Variants in LRRC4C observed in about 807,000 individuals in gnomAD.
The protein encoded by LRRC4C is leucine-rich repeat-containing protein 4C.
In LRRC4C, 5 loss-of-function variants were observed where a neutral mutation model predicts 33.6. The observed-to-expected ratio is 0.15, with a 90% CI of 0.08 to 0.31. The LOEUF (loss-of-function observed/expected upper bound fraction) is 0.31. Among genes scored for constraint, LRRC4C ranks in the 10% least tolerant of loss-of-function variants. The pLI is 1.00. For missense variants in LRRC4C, 560 were observed against 796.7 expected (o/e 0.70, Z 3.58); for synonymous variants, 329 against 302.0 (o/e 1.09, Z -0.93).
At chr11:41,453,028 A>C (rs888716435) in intron 1 of LRRC4C, among the ~76,000 whole-genome samples, 1 of 152,062 alleles carries the variant, frequency 6.6e-6, no homozygotes, top group East Asian at 1.9e-4. Flanking sequence ...TTTTTACAAC[A>C]CTACAAGGTA....
intron 1 of LRRC4C, among the ~76,000 whole-genome samples, chr11:41,209,553 G>T (rs1288412310): frequency 2.0e-5 from 3 of 151,818 alleles, no homozygotes; most frequent in Non-Finnish European, 4.4e-5. Context: ...GCTGAGGCAG[G>T]GGAATCCCTT....
At chr11:41,202,817 G>C (rs549948879) in intron 1 of LRRC4C, among the ~76,000 whole-genome samples, 2 of 148,398 alleles carry the variant, frequency 1.3e-5, no homozygotes, top group African/African-American at 5.0e-5. Flanking sequence ...ACACAGTCTC[G>C]CTCTTTCACC....
At chr11:40,746,783 G>T (rs1948450046) in intron 2 of LRRC4C, among the ~76,000 whole-genome samples, 1 of 152,096 alleles carries the variant, frequency 6.6e-6, no homozygotes, top group Non-Finnish European at 1.5e-5. Context: ...CCTAAGATTG[G>T]GCCTGCCTAC....
chr11:40,904,549 G>A (rs1467132743), intron 2 of LRRC4C, among the ~76,000 whole-genome samples: 1 of 152,148 alleles, frequency 6.6e-6, no homozygotes, highest in South Asian at 2.1e-4. Flanking sequence ...AAACAAATAT[G>A]CAAAGTTAAA....
chr11:40,486,516 ACT>A (rs745763733), intron 3 of LRRC4C, among the ~76,000 whole-genome samples: 2 of 152,082 alleles, frequency 1.3e-5, no homozygotes, highest in Non-Finnish European at 2.9e-5. Flanking sequence ...TTTAAAAAAT[ACT>A]GTGTAAGAAT....
chr11:41,205,195 T>A (rs2136284298), intron 1 of LRRC4C, among the ~76,000 whole-genome samples: 1 of 152,210 alleles, frequency 6.6e-6, no homozygotes, highest in African/African-American at 2.4e-5. Context: ...AGCTGGAGAT[T>A]CAAACATGGA....
At chr11:41,355,483 T>A (rs893600320) in intron 1 of LRRC4C, among the ~76,000 whole-genome samples, 1 of 152,112 alleles carries the variant, frequency 6.6e-6, no homozygotes, top group Non-Finnish European at 1.5e-5. Context: ...TTATAATATA[T>A]GTTAAAAGTG....
intron 1 of LRRC4C, among the ~76,000 whole-genome samples, chr11:41,121,240 A>G (rs1590660900): frequency 1.3e-5 from 2 of 152,088 alleles, no homozygotes; most frequent in Non-Finnish European, 2.9e-5. Flanking sequence ...ACATTGTAGG[A>G]TATATCGGTC....
At chr11:40,364,170 T>C (rs1039589904) in intron 3 of LRRC4C, among the ~76,000 whole-genome samples, 3 of 152,106 alleles carry the variant, frequency 2.0e-5, no homozygotes, top group African/African-American at 7.2e-5. Flanking sequence ...TCATAATTTC[T>C]GGTGTCCAAA....
At chr11:40,415,892 G>A (rs925985445) in intron 3 of LRRC4C, among the ~76,000 whole-genome samples, 2 of 152,158 alleles carry the variant, frequency 1.3e-5, no homozygotes, top group African/African-American at 2.4e-5. Context: ...CTAATCTGAT[G>A]AGAATGAAAT....
At chr11:40,562,085 G>T (rs1031492125) in intron 3 of LRRC4C, among the ~76,000 whole-genome samples, 2 of 152,176 alleles carry the variant, frequency 1.3e-5, no homozygotes, top group Non-Finnish European at 2.9e-5. Flanking sequence ...TTCTGCCAGT[G>T]CTAGAAGTAC....
At chr11:40,613,531 T>C (rs1007568143) in intron 3 of LRRC4C, among the ~76,000 whole-genome samples, 2 of 151,838 alleles carry the variant, frequency 1.3e-5, no homozygotes, top group African/African-American at 4.8e-5. Flanking sequence ...TCTACTGAAG[T>C]CTTGAAGCCC....
At chr11:40,230,442 G>T (rs1247955386) in intron 5 of LRRC4C, among the ~76,000 whole-genome samples, 13 of 152,140 alleles carry the variant, frequency 8.5e-5, no homozygotes, top group Admixed American at 7.2e-4. Context: ...AATTGGCAGG[G>T]GATGAGGAGG....
At chr11:41,441,483 C>T (rs190812973) in intron 1 of LRRC4C, among the ~76,000 whole-genome samples, 21 of 149,916 alleles carry the variant, frequency 1.4e-4, no homozygotes, top group Middle Eastern at 3.5e-3. Flanking sequence ...TTACTTTCAA[C>T]GCTCTTTTTT....
chr11:40,294,852 T>G, intron 4 of LRRC4C, among the ~76,000 whole-genome samples: 1 of 148,848 alleles, frequency 6.7e-6, no homozygotes, highest in African/African-American at 2.5e-5. Context: ...AATAAATAAA[T>G]AAAAAAAAAG....
At chr11:40,409,012 G>A (rs918300361) in intron 3 of LRRC4C, among the ~76,000 whole-genome samples, 3 of 151,926 alleles carry the variant, frequency 2.0e-5, no homozygotes, top group Non-Finnish European at 4.4e-5. Flanking sequence ...AAAATATACT[G>A]TAAAGCTACA....
chr11:40,829,514 C>T (rs1952314423), intron 2 of LRRC4C, among the ~76,000 whole-genome samples: 2 of 151,796 alleles, frequency 1.3e-5, no homozygotes, highest in Admixed American at 6.6e-5. Flanking sequence ...AAAGGCTGCT[C>T]AAATTATTTT....
intron 1 of LRRC4C, among the ~76,000 whole-genome samples, chr11:40,958,583 A>C (rs865925864): frequency 4.6e-5 from 7 of 151,760 alleles, no homozygotes; most frequent in South Asian, 2.1e-4. Flanking sequence ...AACTCCTTGG[A>C]TGAAGCTCCT....
At chr11:40,993,045 A>G (rs1473499707) in intron 1 of LRRC4C, among the ~76,000 whole-genome samples, 1 of 152,212 alleles carries the variant, frequency 6.6e-6, no homozygotes, top group East Asian at 1.9e-4. Context: ...TAACACACTT[A>G]CTAGAGAACT....
Sources: allele counts gnomAD v4.1 joint callset (sites outside exome capture counted in the v4.1 genomes callset), GRCh38; gene constraint gnomAD v4.1.1; transcripts MANE v1.5; gene names NCBI Gene and HGNC (gene_info 2026-07-23, HGNC 2026-07-21).